Variants in ASIC2 observed in about 807,000 individuals in gnomAD.
ASIC2 encodes acid-sensing ion channel 2.
In ASIC2, 25 loss-of-function variants were observed where a neutral mutation model predicts 57.3. The ratio of observed to expected loss-of-function variants is 0.44; its 90% CI spans 0.32 to 0.61. The LOEUF is 0.61. ASIC2 is among the 20% of genes least tolerant of loss of function. The probability of loss-of-function intolerance (pLI) is 0.06; values close to 1 mark genes in which losing one functional copy is unlikely to be tolerated. For missense variants in ASIC2, 641 were observed against 738.1 expected, an observed-to-expected ratio of 0.87 and a Z score of 1.52; for synonymous variants, 319 against 307.5, an observed-to-expected ratio of 1.04 and a Z score of -0.39.
intron 1 of ASIC2, among the ~76,000 whole-genome samples, chr17:33,734,155 T>C (rs1469781796): frequency 6.6e-6 from 1 of 152,152 alleles, no homozygotes; most frequent in Non-Finnish European, 1.5e-5. Flanking sequence ...TTCCCTCATG[T>C]GCTCCCATCT....
At chr17:33,029,884 A>G (rs1013241518) in intron 3 of ASIC2, among the ~76,000 whole-genome samples, 1 of 152,212 alleles carries the variant, frequency 6.6e-6, no homozygotes, top group Non-Finnish European at 1.5e-5. Context: ...GATGATTTTG[A>G]GCACAATTTT....
chr17:34,038,456 A>C, intron 1 of ASIC2: 1 of 1,612,246 alleles, frequency 6.2e-7, no homozygotes, highest in South Asian at 1.1e-5. Flanking sequence ...GTTTTTATTT[A>C]ACTGGTGAAT....
chr17:34,106,086 A>G (rs1450572241), intron 1 of ASIC2, among the ~76,000 whole-genome samples: 2 of 152,032 alleles, frequency 1.3e-5, no homozygotes, highest in East Asian at 1.9e-4. Context: ...TTTTATGACA[A>G]TAACATTTTT....
intron 1 of ASIC2, among the ~76,000 whole-genome samples, chr17:34,089,126 C>T (rs536287039): frequency 3.9e-5 from 6 of 152,322 alleles, no homozygotes; most frequent in African/African-American, 9.6e-5. Flanking sequence ...CTGTCTTCTG[C>T]GTCGTTCATG....
intron 1 of ASIC2, among the ~76,000 whole-genome samples, chr17:34,122,135 T>C (rs921222573): frequency 6.6e-6 from 1 of 152,238 alleles, no homozygotes; most frequent in Non-Finnish European, 1.5e-5. Flanking sequence ...TTAATACTTA[T>C]TTGTATTATT....
intron 1 of ASIC2, among the ~76,000 whole-genome samples, chr17:33,567,397 T>A (rs912517254): frequency 3.9e-5 from 6 of 152,148 alleles, no homozygotes; most frequent in African/African-American, 1.4e-4. Context: ...CTTGATAGCC[T>A]CACTGGGCCA....
intron 1 of ASIC2, among the ~76,000 whole-genome samples, chr17:34,030,560 C>T (rs973949184): frequency 3.3e-5 from 5 of 152,202 alleles, no homozygotes; most frequent in Admixed American, 1.3e-4. Context: ...GGCGAGGCAT[C>T]GCCTCACCTG....
intron 1 of ASIC2, among the ~76,000 whole-genome samples, chr17:33,911,801 C>A (rs1915471180): frequency 6.6e-6 from 1 of 152,098 alleles, no homozygotes; most frequent in Non-Finnish European, 1.5e-5. Context: ...GAATACTACG[C>A]CATGTCAATC....
chr17:33,513,961 C>T (rs962331039), intron 1 of ASIC2, among the ~76,000 whole-genome samples: 1 of 152,226 alleles, frequency 6.6e-6, no homozygotes, highest in African/African-American at 2.4e-5. Context: ...ACCAACACTG[C>T]CCTCACATAA....
chr17:33,662,633 A>AAAT (rs1567682562), intron 1 of ASIC2, among the ~76,000 whole-genome samples: 1 of 91,830 alleles, frequency 1.1e-5, no homozygotes, highest in Non-Finnish European at 2.2e-5. Context: ...AAAAATAAAT[A>AAAT]AATAAATAAA....
chr17:33,591,638 C>T (rs190705986), intron 1 of ASIC2, among the ~76,000 whole-genome samples: 1 of 152,268 alleles, frequency 6.6e-6, no homozygotes, highest in East Asian at 1.9e-4. Context: ...TCTCTGCTGG[C>T]CCTGATAGGA....
intron 1 of ASIC2, among the ~76,000 whole-genome samples, chr17:33,690,290 A>G (rs1908322970): frequency 6.6e-6 from 1 of 152,222 alleles, no homozygotes; most frequent in Non-Finnish European, 1.5e-5. Flanking sequence ...GCAGGACTCA[A>G]CTAGGCTGGG....
chr17:33,059,793 C>T (rs1390757194), intron 3 of ASIC2, among the ~76,000 whole-genome samples: 1 of 152,178 alleles, frequency 6.6e-6, no homozygotes, highest in Non-Finnish European at 1.5e-5. Context: ...AAAAGTGTTC[C>T]TATTTCTCCA....
At chr17:34,080,457 C>T (rs1461385077) in intron 1 of ASIC2, among the ~76,000 whole-genome samples, 1 of 152,202 alleles carries the variant, frequency 6.6e-6, no homozygotes, top group African/African-American at 2.4e-5. Context: ...TGAGCTGGAT[C>T]CAGACTCCAC....
rs1567695931 is a variant in ASIC2 at position 33,712,635 on chromosome 17, G to GTTTTTTTTTTTTTTT, written c.555+443342_555+443343insAAAAAAAAAAAAAAA. On this transcript the variant is annotated intron_variant, in intron 1 of 9. Transcript: ENST00000359872. ...CTTTGCTTCCAAGCTTACTCATATG[G>GTTTTTTTTTTTTTTT]CTTTTTTTTTTTTTTTTTTTTTTTT... Among the ~76,000 whole-genome samples, 28 of 123,322 alleles carry GTTTTTTTTTTTTTTT rather than the reference G, an allele frequency of 2.3e-4. 2 individuals are homozygous for GTTTTTTTTTTTTTTT. The highest frequency in any genetic ancestry group is 9.1e-4 in the African/African-American group (28 of 30,914). 80.9% of individuals were successfully genotyped at this position (123,322 alleles called of 152,430 possible). A position where few individuals can be genotyped will look rare whatever the true frequency, so the allele number is the denominator to read the frequency against.
intron 1 of ASIC2, among the ~76,000 whole-genome samples, chr17:33,525,820 A>G (rs1423154205): frequency 6.6e-6 from 1 of 152,154 alleles, no homozygotes; most frequent in Non-Finnish European, 1.5e-5. Flanking sequence ...CATCCTTTGG[A>G]GCCCAGCTCA....
At chr17:33,018,061 C>G (rs552575517) in intron 7 of ASIC2, among the ~76,000 whole-genome samples, 1 of 152,142 alleles carries the variant, frequency 6.6e-6, no homozygotes, top group African/African-American at 2.4e-5. Flanking sequence ...TGACAGGTGC[C>G]CTGGGTGGGA....
chr17:33,672,745 G>A (rs1035457684), intron 1 of ASIC2, among the ~76,000 whole-genome samples: 5 of 152,106 alleles, frequency 3.3e-5, no homozygotes, highest in Admixed American at 6.5e-5. Flanking sequence ...TCTCCTTATA[G>A]GACCTGAGAG....
chr17:33,608,238 C>G (rs1326458556), intron 1 of ASIC2, among the ~76,000 whole-genome samples: 1 of 152,084 alleles, frequency 6.6e-6, no homozygotes, highest in Non-Finnish European at 1.5e-5. Flanking sequence ...GGATCAAGCT[C>G]ACACTATTGC....
Sources: allele counts gnomAD v4.1 joint callset (sites outside exome capture counted in the v4.1 genomes callset), GRCh38; gene constraint gnomAD v4.1.1; transcripts MANE v1.5; gene names NCBI Gene and HGNC (gene_info 2026-07-23, HGNC 2026-07-21).